Variants in DNAJB6 observed in about 807,000 individuals in gnomAD.
The protein encoded by DNAJB6 is DnaJ heat shock protein family (Hsp40) member B6.
Under a neutral mutation model 42.7 loss-of-function variants are expected in DNAJB6, and 16 were observed. That is an observed-to-expected ratio of 0.37 (90% CI 0.25 to 0.57). The LOEUF (loss-of-function observed/expected upper bound fraction) is 0.57, where lower values mean the gene tolerates loss of function less well. Ranked by LOEUF, DNAJB6 falls within the 20% of genes least tolerant of loss-of-function variation. The pLI, the probability that DNAJB6 is intolerant of heterozygous loss-of-function variation, is 0.74. For synonymous variants in DNAJB6, 170 were observed against 163.5 expected, an observed-to-expected ratio of 1.04 and a Z score of -0.30; for missense variants, 347 against 416.8, an observed-to-expected ratio of 0.83 and a Z score of 1.46.
At position 157,385,122 on chromosome 7, in the gene DNAJB6, C is replaced by T. The variant is rs73505209; in HGVS notation, c.620+114C>T. The T allele has an allele frequency of 1.2e-3, 1,353 of 1,114,546 alleles. 10 individuals are homozygous for T. The African/African-American group carries it at 0.018, about 15-fold the overall frequency. 69.0% of individuals were successfully genotyped at this position (1,114,546 alleles called of 1,614,324 possible). ...AGAGGTTGTTGTATGCTAAATCTGG[C>T]GCCATGAAAATCTTTTGCTCTCCAA... On this transcript the variant is annotated intron_variant, in intron 7 of 9. Coordinates refer to ENST00000262177, the MANE Select transcript of DNAJB6 (RefSeq NM_058246.4).
At chr7:157,342,453 T>C (rs1000426199) in intron 1 of DNAJB6, among the ~76,000 whole-genome samples, 1 of 144,516 alleles carries the variant, frequency 6.9e-6, no homozygotes, top group Non-Finnish European at 1.5e-5. Flanking sequence ...TTCTCCTGCC[T>C]CAGCCTCCCG....
chr7:157,387,669 GGTT>G (rs939181748), intron 8 of DNAJB6, among the ~76,000 whole-genome samples: 5 of 152,124 alleles, frequency 3.3e-5, no homozygotes, highest in African/African-American at 9.7e-5. Context: ...GAACACATTT[GGTT>G]GTTCTAGACT....
intron 8 of DNAJB6, among the ~76,000 whole-genome samples, chr7:157,408,699 G>A (rs1795857771): frequency 6.6e-6 from 1 of 152,250 alleles, no homozygotes. Flanking sequence ...ACTCAGCACT[G>A]GAAGTGGTGT....
intron 3 of DNAJB6, among the ~76,000 whole-genome samples, chr7:157,364,452 A>AT (rs901931732): frequency 1.1e-4 from 16 of 152,140 alleles, no homozygotes; most frequent in African/African-American, 2.9e-4. Context: ...TGGAAAGTTT[A>AT]TTTTTTTTAA....
At chr7:157,348,723 C>A (rs1292626379) in intron 1 of DNAJB6, among the ~76,000 whole-genome samples, 1 of 152,114 alleles carries the variant, frequency 6.6e-6, no homozygotes, top group African/African-American at 2.4e-5. Flanking sequence ...GTGGAAGAGT[C>A]CTAATTCCTT....
intron 8 of DNAJB6, among the ~76,000 whole-genome samples, chr7:157,389,234 C>A (rs1801223566): frequency 6.6e-6 from 1 of 152,190 alleles, no homozygotes; most frequent in African/African-American, 2.4e-5. Context: ...TTCTAGATAT[C>A]ATTTCTTTCC....
intron 5 of DNAJB6, chr7:157,379,333 G>A (rs1800633339): frequency 6.6e-6 from 1 of 152,336 alleles, no homozygotes; most frequent in South Asian, 2.1e-4. Flanking sequence ...TAAAGAAATT[G>A]TGACTAAACC....
Position 157,417,328 on chromosome 7 carries a change from T to A in DNAJB6, c.*1230T>A, listed in dbSNP as rs1309850923. On this transcript the variant is annotated 3_prime_UTR_variant, in exon 10 of 10. Coordinates refer to ENST00000262177, the MANE Select transcript of DNAJB6 (RefSeq NM_058246.4). Reference sequence around the variant, plus strand: ...AAAGAGTTGGCTTTGTTTATTTGGTTTTGGCGGGGAGAGGAGTGGTATTTG... The same window carrying A: ...AAAGAGTTGGCTTTGTTTATTTGGTATTGGCGGGGAGAGGAGTGGTATTTG... 3.3e-5 allele frequency: 5 copies of A among 152,222 alleles called. No individual in the cohort carries two copies. Among genetic ancestry groups the A allele is most frequent in the Non-Finnish European group, 7.3e-5 (5 of 68,036 alleles). 9.4% of individuals were successfully genotyped at this position (152,222 alleles called of 1,614,324 possible). A position where few individuals can be genotyped will look rare whatever the true frequency, so the allele number is the denominator to read the frequency against.
At position 157,416,229 on chromosome 7, in the gene DNAJB6, A is replaced by G; in HGVS notation, c.*131A>G. On this transcript the variant is annotated 3_prime_UTR_variant, in exon 10 of 10. Coordinates refer to ENST00000262177, the MANE Select transcript of DNAJB6 (RefSeq NM_058246.4). ...GAGGCCACACTCGCTCGGCAGGATT[A>G]TGCGATCACGGATCAGTCAGAGCAG... is the stretch of plus-strand genomic sequence containing the variant. 7.1e-6 allele frequency: 10 copies of G among 1,416,050 alleles called. No individual in the cohort carries two copies. Among genetic ancestry groups the G allele is most frequent in the Non-Finnish European group, 9.6e-6 (10 of 1,043,298 alleles). The allele number at this position is 1,416,050 out of a possible 1,614,324, so 87.7% of individuals were successfully genotyped here.
intron 8 of DNAJB6, among the ~76,000 whole-genome samples, chr7:157,394,278 C>T (rs988838950): frequency 6.6e-6 from 1 of 152,178 alleles, no homozygotes; most frequent in East Asian, 1.9e-4. Flanking sequence ...GGTTAAGAAA[C>T]AGCAGATGTT....
intron 5 of DNAJB6, among the ~76,000 whole-genome samples, chr7:157,372,634 G>A (rs1461889706): frequency 1.3e-5 from 2 of 152,208 alleles, no homozygotes; most frequent in African/African-American, 4.8e-5. Context: ...GGAGGTGGCA[G>A]CCCTGAAGCA....
At chr7:157,369,204 G>A (rs750607481) in intron 5 of DNAJB6, 11 of 447,240 alleles carry the variant, frequency 2.5e-5, no homozygotes, top group Non-Finnish European at 4.0e-5. Context: ...CAGAAACAGA[G>A]CTCAAGAAAG....
At chr7:157,352,376 A>G (rs1448085271) in intron 1 of DNAJB6, among the ~76,000 whole-genome samples, 3 of 151,978 alleles carry the variant, frequency 2.0e-5, no homozygotes, top group Admixed American at 6.6e-5. Context: ...TACTCCAAGT[A>G]AGCTAGGAGT....
At chr7:157,347,564 C>T (rs942282850) in intron 1 of DNAJB6, among the ~76,000 whole-genome samples, 10 of 152,142 alleles carry the variant, frequency 6.6e-5, no homozygotes, top group African/African-American at 2.4e-4. Flanking sequence ...CTTTGAGCCC[C>T]CGTTTCCTCA....
chr7:157,337,551 C>T (rs1470790820), intron 1 of DNAJB6: 1 of 152,188 alleles, frequency 6.6e-6, no homozygotes, highest in African/African-American at 2.4e-5. Context: ...GCACTCGCGT[C>T]TGAAACCAGA....
chr7:157,374,941 T>G (rs1800396111), intron 5 of DNAJB6, among the ~76,000 whole-genome samples: 1 of 152,192 alleles, frequency 6.6e-6, no homozygotes, highest in East Asian at 1.9e-4. Context: ...CCTTTGTCAG[T>G]TTGGGTTTTC....
At chr7:157,385,334 A>G (rs1800999074) in intron 7 of DNAJB6, among the ~76,000 whole-genome samples, 1 of 152,190 alleles carries the variant, frequency 6.6e-6, no homozygotes, top group African/African-American at 2.4e-5. Flanking sequence ...CCTGTACGGT[A>G]TTTGAGACAC....
chr7:157,354,490 A>G (rs537682965), intron 1 of DNAJB6, among the ~76,000 whole-genome samples: 7 of 151,182 alleles, frequency 4.6e-5, no homozygotes, highest in Admixed American at 4.0e-4. Flanking sequence ...AATTATTTTC[A>G]TTTTTTTGGA....
chr7:157,363,276 T>TG lies in DNAJB6; in HGVS notation c.175+7dup. 1 of 1,594,884 alleles carries TG rather than the reference T, an allele frequency of 6.3e-7. No homozygotes were observed. Among genetic ancestry groups the TG allele is most frequent in the Non-Finnish European group, 8.6e-7 (1 of 1,165,816 alleles). ...ATATGAAGTGCTGTCGGATGGTGAG[T>TG]GACAGCGAGCTGCTGAAGGACCCTG... On this transcript the variant is annotated splice_region_variant and intron_variant, in intron 3 of 9. Coordinates refer to ENST00000262177, the MANE Select transcript of DNAJB6 (RefSeq NM_058246.4).
Sources: allele counts gnomAD v4.1 joint callset (sites outside exome capture counted in the v4.1 genomes callset), GRCh38; gene constraint gnomAD v4.1.1; transcripts MANE v1.5; gene names NCBI Gene and HGNC (gene_info 2026-07-23, HGNC 2026-07-21).